The following ABCA13 variants were observed in gnomAD, a reference collection of about 807,000 sequenced individuals.
ABCA13 encodes ATP binding cassette subfamily A member 13.
In ABCA13, 476 loss-of-function variants were observed where a neutral mutation model predicts 478.7. The observed-to-expected ratio is 0.99, with a 90% CI of 0.92 to 1.07. ABCA13 has a LOEUF of 1.07. Among genes scored for constraint, ABCA13 ranks in the 50% least tolerant of loss-of-function variants. The probability of loss-of-function intolerance (pLI) is 0.00; values close to 1 mark genes in which losing one functional copy is unlikely to be tolerated. For synonymous variants in ABCA13, 2,252 were observed against 2,158.9 expected, an observed-to-expected ratio of 1.04 and a Z score of -1.20; for missense variants, 6,060 against 5,910.6, an observed-to-expected ratio of 1.03 and a Z score of -0.83.
chr7:48,427,875 A>G lies in ABCA13; in HGVS notation c.12565+4A>G. 1 of 1,570,176 alleles carries G rather than the reference A, an allele frequency of 6.4e-7. No homozygotes were observed. Among genetic ancestry groups the G allele is most frequent in the Non-Finnish European group, 8.7e-7 (1 of 1,155,738 alleles). The stretch of plus-strand genomic sequence containing the variant: ...ACAGGACATCTGTCTGGCTACTGTA[A>G]GTACAGAATGGCTTCCTGCATTTCT... On this transcript the variant is annotated splice_donor_region_variant and intron_variant, in intron 42 of 61. Transcript: ENST00000435803.
chr7:48,202,805 G>T (rs1382603349), intron 3 of ABCA13, among the ~76,000 whole-genome samples: 1 of 152,218 alleles, frequency 6.6e-6, no homozygotes, highest in Non-Finnish European at 1.5e-5. Context: ...TAGACATAAA[G>T]GTTCTCCAAG....
At chr7:48,593,984 T>G (rs1358789483) in intron 57 of ABCA13, among the ~76,000 whole-genome samples, 1 of 152,076 alleles carries the variant, frequency 6.6e-6, no homozygotes, top group Non-Finnish European at 1.5e-5. Context: ...GAAAATTCTG[T>G]TTTTCATTTT....
At chr7:48,422,055 C>CAGAAAAAAA (rs1820821568) in intron 41 of ABCA13, among the ~76,000 whole-genome samples, 1 of 80,578 alleles carries the variant, frequency 1.2e-5, no homozygotes, top group Non-Finnish European at 2.4e-5. Context: ...GTCTTTCTTA[C>CAGAAAAAAA]AAAAAAAAAA....
intron 4 of ABCA13, among the ~76,000 whole-genome samples, chr7:48,221,009 A>G (rs1429860392): frequency 6.6e-6 from 1 of 152,270 alleles, no homozygotes; most frequent in East Asian, 1.9e-4. Flanking sequence ...TTAGATACTA[A>G]TTAAATAATA....
rs186021324 is a variant in ABCA13 at position 48,328,831 on chromosome 7, C to T, written c.10000-6591C>T. ...ATGCAAATCCCCAAAATGAGATATC[C>T]ACAAATGAGATATCATATCAAAATG... is the stretch of plus-strand genomic sequence containing the variant. On this transcript the variant is annotated intron_variant, in intron 27 of 61. Coordinates refer to ENST00000435803, the MANE Select transcript of ABCA13 (RefSeq NM_152701.5). 1.4e-3 allele frequency among the ~76,000 whole-genome samples: 215 copies of T among 152,072 alleles called. 1 individual carries two copies. Among genetic ancestry groups the T allele is most frequent in the African/African-American group, 4.9e-3 (204 of 41,494 alleles).
intron 45 of ABCA13, among the ~76,000 whole-genome samples, chr7:48,477,179 G>A (rs1055170970): frequency 2.0e-5 from 3 of 152,092 alleles, no homozygotes; most frequent in Admixed American, 1.3e-4. Flanking sequence ...ACACCTACAC[G>A]GATAATGGTT....
Position 48,338,309 on chromosome 7 carries a change from T to C in ABCA13, c.10114-56T>C. On this transcript the variant is annotated intron_variant, in intron 28 of 61. Transcript: ENST00000435803. Reference sequence around the variant, plus strand: ...CTTTGAATAAGTCTAATAAGTATTATTCAATAATACGAAATAATGCAATTA... The same window carrying C: ...CTTTGAATAAGTCTAATAAGTATTACTCAATAATACGAAATAATGCAATTA... 3.1e-6 allele frequency: 4 copies of C among 1,294,894 alleles called. No individual in the cohort carries two copies. In the Admixed American group the frequency reaches 9.4e-5, roughly 30 times the overall value. 80.2% of individuals were successfully genotyped at this position (1,294,894 alleles called of 1,614,324 possible). A position where few individuals can be genotyped will look rare whatever the true frequency, so the allele number is the denominator to read the frequency against.
intron 51 of ABCA13, among the ~76,000 whole-genome samples, chr7:48,516,329 A>G (rs888553176): frequency 6.6e-6 from 1 of 152,126 alleles, no homozygotes; most frequent in Non-Finnish European, 1.5e-5. Context: ...GCTCTATCCC[A>G]TCAGAGACGT....
At chr7:48,320,351 G>T (rs1010752438) in intron 27 of ABCA13, among the ~76,000 whole-genome samples, 1 of 152,184 alleles carries the variant, frequency 6.6e-6, no homozygotes, top group African/African-American at 2.4e-5. Context: ...TTTACTGTTT[G>T]CATTGATTTG....
intron 59 of ABCA13, among the ~76,000 whole-genome samples, chr7:48,624,832 G>A (rs1456014914): frequency 6.6e-6 from 1 of 152,046 alleles, no homozygotes; most frequent in East Asian, 1.9e-4. Flanking sequence ...TGGGATTACA[G>A]GTGTGACTCA....
chr7:48,475,818 G>C (rs142943380), intron 45 of ABCA13, among the ~76,000 whole-genome samples: 27 of 152,228 alleles, frequency 1.8e-4, no homozygotes, highest in African/African-American at 5.8e-4. Flanking sequence ...CTACAAAAAG[G>C]TTCCATGGTT....
intron 27 of ABCA13, among the ~76,000 whole-genome samples, chr7:48,323,752 T>C (rs1284900565): frequency 6.6e-6 from 1 of 152,214 alleles, no homozygotes; most frequent in African/African-American, 2.4e-5. Context: ...GGTTTGGCTG[T>C]GCCCCCACCC....
chr7:48,447,094 CT>C, intron 42 of ABCA13, among the ~76,000 whole-genome samples: 1 of 152,340 alleles, frequency 6.6e-6, no homozygotes, highest in Middle Eastern at 3.4e-3. Context: ...CAAACCTCAT[CT>C]CCTGTACTGG....
In ABCA13 at chr7:48,174,354, G is replaced by A. The variant is rs142577097; in HGVS notation, c.69+2802G>A. Among the ~76,000 whole-genome samples, 17 of 151,842 alleles carry A rather than the reference G, an allele frequency of 1.1e-4. No individual in the cohort carries two copies. The East Asian group carries it at 3.3e-3, about 29-fold the overall frequency. On this transcript the variant is annotated intron_variant, in intron 1 of 61. Transcript: ENST00000435803. ...ATGTACATAGTGTCAGCATACATGT[G>A]ATAATTTAGTAATTTGTATCATTCA...
chr7:48,374,370 T>A lies in ABCA13; in HGVS notation c.11157T>A (p.Phe3719Leu), dbSNP rs1585060404. ...TFLCLLSTTA[F>L]GQGVFFITFL... Reference sequence around the variant, plus strand: ...AGTGCCTTCTTTCGACAACCGCCTTTGGACAAGGGGTATTTTTTATTACAT... The same window carrying A: ...AGTGCCTTCTTTCGACAACCGCCTTAGGACAAGGGGTATTTTTTATTACAT... The change falls in exon 34 of 62, where the codon TTT (phenylalanine) becomes TTA (leucine). Residue 3719 changes from phenylalanine to leucine, a missense_variant. Physicochemically the swap from Phe to Leu is conservative, Grantham distance 22 (BLOSUM62 0). This residue lies in a region of ABCA13 where 4,423 missense variants were observed against 4,309.1 expected (regional missense o/e 1.03). Coordinates refer to ENST00000435803, the MANE Select transcript of ABCA13 (RefSeq NM_152701.5). The A allele has an allele frequency of 2.5e-6, 4 of 1,610,728 alleles. No homozygotes were observed. Among genetic ancestry groups the A allele is most frequent in the Non-Finnish European group, 3.4e-6 (4 of 1,178,692 alleles).
chr7:48,589,632 A>G (rs1380477253), intron 57 of ABCA13, among the ~76,000 whole-genome samples: 1 of 152,202 alleles, frequency 6.6e-6, no homozygotes, highest in Admixed American at 6.5e-5. Context: ...ATCGTTATCT[A>G]CAGTCCCTCT....
At chr7:48,330,019 A>G (rs895285480) in intron 27 of ABCA13, among the ~76,000 whole-genome samples, 1 of 148,834 alleles carries the variant, frequency 6.7e-6, no homozygotes, top group Non-Finnish European at 1.5e-5. Flanking sequence ...CTATTCATCC[A>G]TTGATCTATT....
intron 55 of ABCA13, among the ~76,000 whole-genome samples, chr7:48,567,155 T>A (rs996853321): frequency 1.3e-5 from 2 of 152,170 alleles, no homozygotes; most frequent in Admixed American, 6.6e-5. Context: ...AGTTTAAAAA[T>A]ATAATCTAAG....
chr7:48,545,789 A>G (rs1784766245), intron 55 of ABCA13, among the ~76,000 whole-genome samples: 1 of 151,102 alleles, frequency 6.6e-6, no homozygotes, highest in Non-Finnish European at 1.5e-5. Context: ...TGTGGCTATT[A>G]AAAAGAAAAA....
Sources: gnomAD v4.1 joint callset for allele counts (sites outside exome capture counted in the v4.1 genomes callset) on GRCh38, gnomAD v4.1.1 for gene constraint, gnomAD v4.1.1 regional missense constraint, MANE v1.5 for transcripts, NCBI Gene and HGNC (gene_info 2026-07-23, HGNC 2026-07-21) for gene names.